AUH: variants seen among roughly 807,000 people sequenced by gnomAD.
AUH encodes the protein methylglutaconyl-CoA hydratase, mitochondrial.
Under a neutral mutation model 42.3 loss-of-function variants are expected in AUH, and 29 were observed. That is an observed-to-expected ratio of 0.69 (90% CI 0.51 to 0.93). AUH has a LOEUF of 0.93. Among genes scored for constraint, AUH ranks in the 40% least tolerant of loss-of-function variants. The pLI is 0.00. For missense variants in AUH, 452 were observed against 438.1 expected (o/e 1.03, Z -0.28); for synonymous variants, 174 against 166.4 (o/e 1.05, Z -0.35).
chr9:91,356,696 T>C (rs1186124572), intron 1 of AUH, among the ~76,000 whole-genome samples: 5 of 152,202 alleles, frequency 3.3e-5, no homozygotes, highest in Non-Finnish European at 5.9e-5. Context: ...CTGTCACTCC[T>C]AACTGCCCCA....
chr9:91,244,062 G>A (rs1398373501), intron 6 of AUH, among the ~76,000 whole-genome samples: 1 of 151,994 alleles, frequency 6.6e-6, no homozygotes, highest in African/African-American at 2.4e-5. Flanking sequence ...AAAACTCTAA[G>A]ACATATCTCA....
chr9:91,246,284 C>A (rs947213944), intron 6 of AUH, among the ~76,000 whole-genome samples: 1 of 152,142 alleles, frequency 6.6e-6, no homozygotes, highest in Non-Finnish European at 1.5e-5. Flanking sequence ...AAACAAAAAA[C>A]CACGTGGAAG....
At chr9:91,309,368 C>G (rs1215496528) in intron 4 of AUH, among the ~76,000 whole-genome samples, 1 of 152,070 alleles carries the variant, frequency 6.6e-6, no homozygotes, top group Non-Finnish European at 1.5e-5. Context: ...CTTACTTGGC[C>G]TGTCAACAGC....
chr9:91,233,147 T>C (rs1343893706), intron 6 of AUH, among the ~76,000 whole-genome samples: 2 of 151,954 alleles, frequency 1.3e-5, no homozygotes, highest in African/African-American at 2.4e-5. Context: ...AAGAAAGAAA[T>C]ACACACAGAG....
intron 3 of AUH, among the ~76,000 whole-genome samples, chr9:91,332,319 T>C (rs1377814469): frequency 2.6e-5 from 4 of 151,956 alleles, no homozygotes; most frequent in African/African-American, 9.7e-5. Flanking sequence ...CTGGCCAAAA[T>C]GGCGACACCC....
chr9:91,300,022 C>T (rs1827657905), intron 4 of AUH, among the ~76,000 whole-genome samples: 1 of 152,162 alleles, frequency 6.6e-6, no homozygotes, highest in African/African-American at 2.4e-5. Context: ...TTACCAATGA[C>T]ATTATAAGAT....
At chr9:91,308,118 T>C (rs1038598060) in intron 4 of AUH, among the ~76,000 whole-genome samples, 1 of 152,078 alleles carries the variant, frequency 6.6e-6, no homozygotes, top group Non-Finnish European at 1.5e-5. Context: ...AAATGTAAAA[T>C]TGCCAAAATC....
At position 91,355,960 on chromosome 9, in the gene AUH, GC is replaced by G. The variant is rs761575466; in HGVS notation, c.340del (p.Ala114LeufsTer5). ...SKNLIKMLSK[A>X]VDALKSDKKV... ...CTTATCAGATTTCAAAGCATCCACA[GC>G]TTTTGATAGCTAAACAGAAATAGGA... On this transcript the variant is annotated frameshift_variant, in exon 3 of 10. Coordinates refer to ENST00000375731, the MANE Select transcript of AUH (RefSeq NM_001698.3). LOFTEE classifies it high-confidence loss of function. 1 of 1,612,648 alleles carries G rather than the reference GC, an allele frequency of 6.2e-7. No homozygotes were observed. The highest frequency in any genetic ancestry group is 8.5e-7 in the Non-Finnish European group (1 of 1,179,432).
chr9:91,219,769 CAAAGGCTCCTGTGCT>C (rs1294798304), intron 7 of AUH, among the ~76,000 whole-genome samples: 1 of 152,200 alleles, frequency 6.6e-6, no homozygotes, highest in Non-Finnish European at 1.5e-5. Context: ...GGTTTGTCAG[CAAAGGCTCCTGTGCT>C]GAGTGCCAAG....
intron 6 of AUH, among the ~76,000 whole-genome samples, chr9:91,287,332 A>G (rs1826498334): frequency 1.3e-5 from 2 of 152,166 alleles, no homozygotes; most frequent in Admixed American, 1.3e-4. Flanking sequence ...TTAAATACAA[A>G]TTTATACACT....
intron 9 of AUH, among the ~76,000 whole-genome samples, chr9:91,215,449 T>C (rs960743493): frequency 6.6e-6 from 1 of 152,186 alleles, no homozygotes; most frequent in African/African-American, 2.4e-5. Flanking sequence ...AAATGGCATG[T>C]ACACAGTTCT....
chr9:91,321,633 G>A (rs540809799), intron 4 of AUH, among the ~76,000 whole-genome samples: 2 of 152,122 alleles, frequency 1.3e-5, no homozygotes, highest in Admixed American at 1.3e-4. Context: ...CAGGAAAAAT[G>A]AAGATAGGAG....
At chr9:91,227,033 G>A (rs1021160404) in intron 6 of AUH, among the ~76,000 whole-genome samples, 119 of 151,902 alleles carry the variant, frequency 7.8e-4, no homozygotes, top group African/African-American at 2.3e-3. Flanking sequence ...TTGGCAATGC[G>A]GGCTCTTTTT....
At chr9:91,250,321 A>G (rs1212946348) in intron 6 of AUH, among the ~76,000 whole-genome samples, 1 of 151,982 alleles carries the variant, frequency 6.6e-6, no homozygotes, top group Admixed American at 6.5e-5. Context: ...TTGATACCAC[A>G]CTCATACCAA....
At chr9:91,281,184 A>C (rs770977475) in intron 6 of AUH, among the ~76,000 whole-genome samples, 24 of 152,130 alleles carry the variant, frequency 1.6e-4, no homozygotes, top group Non-Finnish European at 3.4e-4. Context: ...ACAGGTTCCT[A>C]CGGTTCAGTT....
chr9:91,360,649 C>T (rs1020296854), intron 1 of AUH, among the ~76,000 whole-genome samples: 5 of 152,184 alleles, frequency 3.3e-5, no homozygotes, highest in Admixed American at 6.5e-5. Flanking sequence ...TGCCTTGGAA[C>T]CCCTTTCAAA....
At chr9:91,234,427 A>C (rs1828064861) in intron 6 of AUH, among the ~76,000 whole-genome samples, 1 of 152,150 alleles carries the variant, frequency 6.6e-6, no homozygotes, top group Admixed American at 6.5e-5. Flanking sequence ...TTTGTGCTCT[A>C]AGCTTCAATC....
intron 1 of AUH, among the ~76,000 whole-genome samples, chr9:91,360,998 T>C (rs575381671): frequency 9.7e-4 from 147 of 152,304 alleles, no homozygotes; most frequent in Non-Finnish European, 1.2e-3. Context: ...CTGTATTGTA[T>C]TGCTAATGAT....
Position 91,305,081 on chromosome 9 carries a change from A to G in AUH, c.506-7005T>C, listed in dbSNP as rs370993016. Among the ~76,000 whole-genome samples, 19 of 152,334 alleles carry G rather than the reference A, an allele frequency of 1.2e-4. No homozygotes were observed. In the East Asian group the frequency reaches 2.1e-3, roughly 17 times the overall value. On this transcript the variant is annotated intron_variant, in intron 4 of 9. Coordinates refer to ENST00000375731, the MANE Select transcript of AUH (RefSeq NM_001698.3). Reference sequence around the variant, plus strand: ...GATATTATTTCCTTTAGCATCTTTAAAACAACATGATAGAATGTTTATAAA... The same window carrying G: ...GATATTATTTCCTTTAGCATCTTTAGAACAACATGATAGAATGTTTATAAA...
Sources: allele counts gnomAD v4.1 joint callset (sites outside exome capture counted in the v4.1 genomes callset), GRCh38; gene constraint gnomAD v4.1.1; transcripts MANE v1.5; gene names NCBI Gene and HGNC (gene_info 2026-07-23, HGNC 2026-07-21).